The following ZNF536 variants were observed in gnomAD, a reference collection of about 807,000 sequenced individuals.
The protein encoded by ZNF536 is zinc finger protein 536.
A neutral mutation model predicts 84.5 loss-of-function variants in ZNF536; 13 were observed. The observed-to-expected ratio is 0.15, with a 90% CI of 0.10 to 0.24. The LOEUF (loss-of-function observed/expected upper bound fraction) is 0.24. Among genes scored for constraint, ZNF536 ranks in the 10% least tolerant of loss-of-function variants. The pLI is 1.00. For missense variants in ZNF536, 1,536 were observed against 1,747.5 expected, an observed-to-expected ratio of 0.88 and a Z score of 2.16; for synonymous variants, 811 against 742.5, an observed-to-expected ratio of 1.09 and a Z score of -1.50.
At chr19:30,279,001 G>T (rs756952175) in intron 1 of ZNF536, among the ~76,000 whole-genome samples, 3 of 152,110 alleles carry the variant, frequency 2.0e-5, no homozygotes, top group South Asian at 2.1e-4. Flanking sequence ...TACCCAGGCC[G>T]CAGGGAATGT....
At chr19:30,516,882 A>G (rs2044101456) in intron 2 of ZNF536, among the ~76,000 whole-genome samples, 1 of 151,862 alleles carries the variant, frequency 6.6e-6, no homozygotes, top group Admixed American at 6.6e-5. Context: ...CAGGGAGGAG[A>G]AGGTCGGGCC....
At chr19:30,594,552 G>C (rs1467546992) in intron 1 of ZNF536, among the ~76,000 whole-genome samples, 1 of 152,146 alleles carries the variant, frequency 6.6e-6, no homozygotes, top group Admixed American at 6.5e-5. Context: ...CTCACCACAT[G>C]ACATTGACTA....
At chr19:30,235,008 G>C (rs927769058) in intron 1 of ZNF536, among the ~76,000 whole-genome samples, 1 of 152,198 alleles carries the variant, frequency 6.6e-6, no homozygotes, top group East Asian at 1.9e-4. Context: ...TCCTGCTTGT[G>C]GTTTCCAGGT....
intron 1 of ZNF536, among the ~76,000 whole-genome samples, chr19:30,407,079 G>A (rs1369492578): frequency 6.6e-6 from 1 of 151,998 alleles, no homozygotes; most frequent in African/African-American, 2.4e-5. Context: ...TTATTACTGG[G>A]GTCACAGCAG....
intron 2 of ZNF536, among the ~76,000 whole-genome samples, chr19:30,448,258 G>C (rs1246222677): frequency 6.6e-6 from 1 of 152,184 alleles, no homozygotes; most frequent in Admixed American, 6.5e-5. Context: ...CGAATCAGCT[G>C]TGCGTCTGGG....
chr19:30,659,998 C>T (rs1316892164), intron 1 of ZNF536, among the ~76,000 whole-genome samples: 2 of 151,594 alleles, frequency 1.3e-5, no homozygotes, highest in Non-Finnish European at 1.5e-5. Context: ...TGTGTTTATC[C>T]TCTTCAATAG....
intron 1 of ZNF536, among the ~76,000 whole-genome samples, chr19:30,673,341 T>A (rs1294621463): frequency 2.0e-5 from 3 of 152,096 alleles, no homozygotes; most frequent in Non-Finnish European, 2.9e-5. Flanking sequence ...CTGCCTAGAT[T>A]CCAATATGAA....
At chr19:30,405,688 C>A (rs139580671) in intron 1 of ZNF536, among the ~76,000 whole-genome samples, 1 of 152,136 alleles carries the variant, frequency 6.6e-6, no homozygotes, top group African/African-American at 2.4e-5. Flanking sequence ...GTCGCCACAC[C>A]CGAATCGTTT....
chr19:30,615,968 G>A (rs1338039803), intron 1 of ZNF536, among the ~76,000 whole-genome samples: 1 of 151,740 alleles, frequency 6.6e-6, no homozygotes, highest in Non-Finnish European at 1.5e-5. Context: ...TCTCGATCAT[G>A]TTTTTCTAAT....
At chr19:30,697,813 T>C (rs536151913) in intron 1 of ZNF536, among the ~76,000 whole-genome samples, 148 of 152,358 alleles carry the variant, frequency 9.7e-4, no homozygotes, top group African/African-American at 3.4e-3. Context: ...GTGTGTGCCA[T>C]ATGCCCTCCA....
At chr19:30,607,901 G>A (rs1341501861) in intron 1 of ZNF536, among the ~76,000 whole-genome samples, 1 of 152,030 alleles carries the variant, frequency 6.6e-6, no homozygotes, top group Non-Finnish European at 1.5e-5. Flanking sequence ...TGAGGCAGAT[G>A]TAGAAGTATT....
At chr19:30,295,460 C>T (rs2045968504) in intron 2 of ZNF536, among the ~76,000 whole-genome samples, 1 of 152,156 alleles carries the variant, frequency 6.6e-6, no homozygotes, top group African/African-American at 2.4e-5. Flanking sequence ...ACATTGGGCC[C>T]CAACCCACAT....
At chr19:30,571,835 AATCTTAGGCTATCAGAGATAGAAGTC>A (rs2046558643) in intron 1 of ZNF536, among the ~76,000 whole-genome samples, 1 of 152,136 alleles carries the variant, frequency 6.6e-6, no homozygotes, top group Non-Finnish European at 1.5e-5. Context: ...GAAATGAAAG[AATCTTAGGCTATCAGAGATAGAAGTC>A]ATCTTAGAGG....
intron 1 of ZNF536, among the ~76,000 whole-genome samples, chr19:30,703,703 G>A (rs2052095805): frequency 1.3e-5 from 2 of 152,146 alleles, no homozygotes; most frequent in Non-Finnish European, 2.9e-5. Context: ...AGCTTCCCCT[G>A]AGTCAGCTTA....
At chr19:30,673,547 G>A (rs1249470516) in intron 1 of ZNF536, among the ~76,000 whole-genome samples, 1 of 152,128 alleles carries the variant, frequency 6.6e-6, no homozygotes, top group Non-Finnish European at 1.5e-5. Context: ...ACAGCACCAT[G>A]GCCCTGGCCA....
At chr19:30,527,485 G>A (rs985846104) in intron 2 of ZNF536, among the ~76,000 whole-genome samples, 6 of 151,614 alleles carry the variant, frequency 4.0e-5, no homozygotes, top group Non-Finnish European at 5.9e-5. Flanking sequence ...AGTGGACATC[G>A]TTTTCTAAAA....
intron 2 of ZNF536, among the ~76,000 whole-genome samples, chr19:30,505,881 G>T (rs960254214): frequency 1.3e-5 from 2 of 152,116 alleles, no homozygotes; most frequent in African/African-American, 4.8e-5. Flanking sequence ...GGTCAGGCTG[G>T]TCTCAAACCC....
chr19:30,390,283 A>T (rs1033160451), intron 1 of ZNF536, among the ~76,000 whole-genome samples: 6 of 152,190 alleles, frequency 3.9e-5, no homozygotes, highest in Admixed American at 3.9e-4. Flanking sequence ...CTTATAAAAT[A>T]AAAAAATGCT....
At chr19:30,572,571 A>G (rs188130800) in intron 1 of ZNF536, among the ~76,000 whole-genome samples, 23 of 152,350 alleles carry the variant, frequency 1.5e-4, no homozygotes, top group African/African-American at 5.5e-4. Context: ...GGGAAGGTGC[A>G]TGGTTACTTG....
Sources: allele counts gnomAD v4.1 joint callset (sites outside exome capture counted in the v4.1 genomes callset), GRCh38; gene constraint gnomAD v4.1.1; transcripts MANE v1.5; gene names NCBI Gene and HGNC (gene_info 2026-07-23, HGNC 2026-07-21).